OCA2: variants seen among roughly 807,000 people sequenced by gnomAD.
OCA2 encodes the protein OCA2 melanosomal transmembrane protein.
Under a neutral mutation model 100.2 loss-of-function variants are expected in OCA2, and 77 were observed. That is an observed-to-expected ratio of 0.77 (90% CI 0.64 to 0.93). The LOEUF is 0.93. Among genes scored for constraint, OCA2 ranks in the 40% least tolerant of loss-of-function variants. The pLI, the probability that OCA2 is intolerant of heterozygous loss-of-function variation, is 0.00. For synonymous variants in OCA2, 432 were observed against 439.2 expected (o/e 0.98, Z 0.21); for missense variants, 1,062 against 1,089.1 (o/e 0.98, Z 0.35).
intron 19 of OCA2, among the ~76,000 whole-genome samples, chr15:27,918,089 A>AT (rs34943192): frequency 0.089 from 9,185 of 103,306 alleles, 741 homozygotes; most frequent in South Asian, 0.22. Flanking sequence ...CTCCCTCTTG[A>AT]TTTTTTTTTT....
At chr15:27,754,487 C>T (rs747098183), downstream of OCA2, among the ~76,000 whole-genome samples, 4 of 152,166 alleles carry the variant, frequency 2.6e-5, no homozygotes, top group Non-Finnish European at 4.4e-5. Context: ...GGGGCATAGC[C>T]ATGATACTGA....
intron 19 of OCA2, among the ~76,000 whole-genome samples, chr15:27,909,782 T>C (rs2038316405): frequency 6.6e-6 from 1 of 152,144 alleles, no homozygotes; most frequent in South Asian, 2.1e-4. Flanking sequence ...AAATGTAAAA[T>C]AAGATAGCAT....
chr15:27,960,701 G>A (rs1204790679), intron 15 of OCA2, among the ~76,000 whole-genome samples: 6 of 152,042 alleles, frequency 3.9e-5, no homozygotes, highest in Non-Finnish European at 7.4e-5. Context: ...TCGGGAGTTC[G>A]AGGCCAGCCT....
chr15:27,740,534 A>G, the OCA2 span, among the ~76,000 whole-genome samples: 1,228 of 152,228 alleles, frequency 8.1e-3, 18 homozygotes, highest in African/African-American at 0.028. Context: ...CTAATTCATC[A>G]ATTTAGTCAA....
At chr15:28,085,326 G>T (rs928163609) in intron 1 of OCA2, among the ~76,000 whole-genome samples, 3 of 152,080 alleles carry the variant, frequency 2.0e-5, no homozygotes, top group African/African-American at 7.2e-5. Context: ...AATCAGCCGG[G>T]GTCCAAGAAG....
the OCA2 span, among the ~76,000 whole-genome samples, chr15:27,730,944 T>G: frequency 6.6e-6 from 1 of 151,822 alleles, no homozygotes; most frequent in Non-Finnish European, 1.5e-5. Context: ...TTCTAAAGCC[T>G]GTGTTTTCTC....
chr15:27,966,509 G>C (rs141929227), intron 15 of OCA2, among the ~76,000 whole-genome samples, 181 bp downstream of exon 15: 7 of 152,284 alleles, frequency 4.6e-5, no homozygotes, highest in African/African-American at 1.7e-4. Context: ...AAACTAAAGA[G>C]GCACAGCTCA....
At chr15:27,722,844 CTCTTTCTT>C in the OCA2 span, among the ~76,000 whole-genome samples, 1 of 146,454 alleles carries the variant, frequency 6.8e-6, no homozygotes, top group African/African-American at 2.6e-5. Context: ...CTCTCTTTCT[CTCTTTCTT>C]TCTTTCTTTG....
chr15:27,830,450 A>G (rs1461217167), intron 23 of OCA2, among the ~76,000 whole-genome samples: 1 of 152,240 alleles, frequency 6.6e-6, no homozygotes, highest in Non-Finnish European at 1.5e-5. Flanking sequence ...TACTTAAAAT[A>G]ATAGGATAGA....
chr15:27,919,010 T>C (rs1284698800), intron 19 of OCA2, among the ~76,000 whole-genome samples: 2 of 152,066 alleles, frequency 1.3e-5, no homozygotes, highest in Non-Finnish European at 2.9e-5. Context: ...ATAAAGAAGA[T>C]ATACAGAAAA....
At chr15:27,982,470 T>C (rs1275985205) in intron 14 of OCA2, among the ~76,000 whole-genome samples, 1 of 152,192 alleles carries the variant, frequency 6.6e-6, no homozygotes, top group East Asian at 1.9e-4. Flanking sequence ...CACACCTCAG[T>C]TCACATGGCA....
intron 18 of OCA2, among the ~76,000 whole-genome samples, chr15:27,928,740 C>T (rs565522570): frequency 6.6e-5 from 10 of 152,252 alleles, no homozygotes; most frequent in African/African-American, 2.4e-4. Context: ...AGCAATGTCC[C>T]TCTCACACTT....
chr15:28,014,793 C>G lies in OCA2; in HGVS notation c.1027G>C (p.Ala343Pro). ...AAAGTTACCTCAAATATGATCAGCG[C>G]GTAGACGCCCGCGAGGATGGCCGTC... ...IATAILAGVY[A>P]LIIFEIVHRT... Residue 343 changes from alanine (A) to proline (P), a missense_variant, in exon 9 of 24, where the codon GCG becomes CCG. Physicochemically the swap from Ala to Pro is conservative, Grantham distance 27. Transcript: ENST00000354638. The G allele has an allele frequency of 1.9e-6, 3 of 1,613,564 alleles. No homozygotes were observed. The highest frequency in any genetic ancestry group is 1.7e-6 in the Non-Finnish European group (2 of 1,179,998).
At chr15:27,899,665 G>A (rs888385740) in intron 19 of OCA2, among the ~76,000 whole-genome samples, 4 of 152,144 alleles carry the variant, frequency 2.6e-5, no homozygotes, top group South Asian at 2.1e-4. Context: ...CTCACTGGTC[G>A]TACCATGTGC....
intron 19 of OCA2, among the ~76,000 whole-genome samples, chr15:27,910,393 G>C (rs1476606331): frequency 6.6e-6 from 1 of 152,136 alleles, no homozygotes; most frequent in Non-Finnish European, 1.5e-5. Context: ...CCGTAGTGTT[G>C]TTTGTAATCA....
chr15:28,029,936 C>A (rs1450699867), intron 3 of OCA2, among the ~76,000 whole-genome samples: 1 of 152,178 alleles, frequency 6.6e-6, no homozygotes, highest in Non-Finnish European at 1.5e-5. Context: ...TGACATGAGG[C>A]CCAGCTCGGC....
chr15:28,062,601 C>T (rs1310158557), intron 2 of OCA2, among the ~76,000 whole-genome samples: 4 of 151,994 alleles, frequency 2.6e-5, no homozygotes, highest in Non-Finnish European at 5.9e-5. Context: ...TTTGTTTGTG[C>T]TTTTAGCATC....
chr15:27,868,769 T>C (rs1475309803), intron 21 of OCA2, among the ~76,000 whole-genome samples: 20 of 152,212 alleles, frequency 1.3e-4, no homozygotes, highest in Admixed American at 1.3e-3. Flanking sequence ...AGATGATGCA[T>C]GCGTTCAGTA....
At chr15:27,954,116 T>TAA (rs1555440736) in intron 17 of OCA2, among the ~76,000 whole-genome samples, 1 of 46,382 alleles carries the variant, frequency 2.2e-5, no homozygotes, top group East Asian at 5.1e-4. Flanking sequence ...TTCCATGGCA[T>TAA]ACACACACAC....
Sources: allele counts gnomAD v4.1 joint callset (sites outside exome capture counted in the v4.1 genomes callset), GRCh38; gene constraint gnomAD v4.1.1; transcripts MANE v1.5; gene names NCBI Gene and HGNC (gene_info 2026-07-23, HGNC 2026-07-21).